Variants in MTFR1 observed in about 807,000 individuals in gnomAD.
MTFR1 encodes chondrocyte protein with a poly-proline region.
In MTFR1, 28 loss-of-function variants were observed where a neutral mutation model predicts 38.8. That is an observed-to-expected ratio of 0.72 (90% CI 0.53 to 0.99). MTFR1 has a LOEUF of 0.99. Among genes scored for constraint, MTFR1 ranks in the 50% least tolerant of loss-of-function variants. The pLI, the probability that MTFR1 is intolerant of heterozygous loss-of-function variation, is 0.00. For synonymous variants in MTFR1, 145 were observed against 137.0 expected (o/e 1.06, Z -0.41); for missense variants, 358 against 395.5 (o/e 0.91, Z 0.81).
intron 2 of MTFR1, among the ~76,000 whole-genome samples, chr8:65,674,226 T>C (rs2129052011): frequency 6.6e-6 from 1 of 152,066 alleles, no homozygotes; most frequent in African/African-American, 2.4e-5. Context: ...AGCCACTGCG[T>C]CCGTCCTTTT....
intron 3 of MTFR1, among the ~76,000 whole-genome samples, chr8:65,743,893 C>T (rs966346439): frequency 5.9e-5 from 9 of 151,398 alleles, no homozygotes; most frequent in Non-Finnish European, 1.2e-4. Context: ...AGTGCAATGG[C>T]GCGATCTCAG....
chr8:65,694,072 CT>C (rs773434384), intron 4 of MTFR1, among the ~76,000 whole-genome samples: 8,609 of 109,644 alleles, frequency 0.079, 765 homozygotes, highest in African/African-American at 0.23. Flanking sequence ...CTGGCTAATT[CT>C]TTTTTTTTTT....
intron 1 of MTFR1, among the ~76,000 whole-genome samples, chr8:65,665,634 T>C (rs573124971): frequency 6.6e-6 from 1 of 152,322 alleles, no homozygotes; most frequent in African/African-American, 2.4e-5. Context: ...CTCTTCTTCC[T>C]TATCGCGCTA....
At chr8:65,674,887 C>G (rs1804667508) in intron 2 of MTFR1, among the ~76,000 whole-genome samples, 1 of 152,134 alleles carries the variant, frequency 6.6e-6, no homozygotes, top group South Asian at 2.1e-4. Flanking sequence ...ACAAAGTTAC[C>G]TAAGTAGTAG....
At chr8:65,715,402 G>C (rs1806093374), downstream of MTFR1, among the ~76,000 whole-genome samples, 1 of 148,162 alleles carries the variant, frequency 6.7e-6, no homozygotes, top group Non-Finnish European at 1.5e-5. Flanking sequence ...TTTTGAGACA[G>C]AGTCTTGCTC....
downstream of MTFR1, among the ~76,000 whole-genome samples, chr8:65,774,820 G>A (rs74815707): frequency 0.037 from 5,570 of 151,836 alleles, 150 homozygotes; most frequent in African/African-American, 0.075. Flanking sequence ...AGAAACGTCC[G>A]GCTGTTTCTC....
chr8:65,702,642 T>G (rs1393668511), intron 4 of MTFR1, among the ~76,000 whole-genome samples: 3 of 152,212 alleles, frequency 2.0e-5, no homozygotes, highest in Non-Finnish European at 4.4e-5. Flanking sequence ...GTATGTTTTT[T>G]TACCTTTCAA....
At chr8:65,731,364 G>C (rs1459053751) in intron 3 of MTFR1, among the ~76,000 whole-genome samples, 1 of 152,222 alleles carries the variant, frequency 6.6e-6, no homozygotes, top group Non-Finnish European at 1.5e-5. Context: ...GACAAGTAGA[G>C]CAAGGTTTAA....
At chr8:65,686,600 AG>A (rs1563448452) in intron 3 of MTFR1, among the ~76,000 whole-genome samples, 2 of 143,040 alleles carry the variant, frequency 1.4e-5, no homozygotes, top group African/African-American at 5.1e-5. Flanking sequence ...AAAAAAAAAA[AG>A]GCACTGTGAA....
chr8:65,656,448 C>T (rs985350235), intron 1 of MTFR1, among the ~76,000 whole-genome samples: 1 of 151,610 alleles, frequency 6.6e-6, no homozygotes, highest in African/African-American at 2.4e-5. Flanking sequence ...ATCTTTATGC[C>T]TCAGCCTCCT....
intron 3 of MTFR1, chr8:65,723,761 T>C (rs1806492684): frequency 1.9e-6 from 1 of 519,770 alleles, no homozygotes; most frequent in Non-Finnish European, 3.1e-6. Flanking sequence ...CAATTAGTTC[T>C]TTTTAAAATT....
chr8:65,706,296 A>C (rs112158465), intron 5 of MTFR1, among the ~76,000 whole-genome samples: 3 of 152,378 alleles, frequency 2.0e-5, no homozygotes, highest in East Asian at 1.9e-4. Flanking sequence ...TTATAAGCTG[A>C]AACTTTTGAG....
chr8:65,661,862 G>T (rs1809422559), intron 1 of MTFR1, among the ~76,000 whole-genome samples: 1 of 152,010 alleles, frequency 6.6e-6, no homozygotes, highest in Non-Finnish European at 1.5e-5. Context: ...TACTTGGGAG[G>T]CTGAGGTGGG....
rs531126890 is a variant in MTFR1 at position 65,688,915 on chromosome 8, C to T, written c.166-4729C>T. Among the ~76,000 whole-genome samples the T allele has an allele frequency of 9.9e-5, 15 of 151,848 alleles. No individual in the cohort carries two copies. In the South Asian group the frequency reaches 1.9e-3, roughly 19 times the overall value. ...ATCCCAGCACTTTGGGAGGCTGAGG[C>T]GGGTGGATCACTTGAGGTCAGGAGT... is the stretch of plus-strand genomic sequence containing the variant. On this transcript the variant is annotated intron_variant, in intron 3 of 7. Transcript: ENST00000262146.
At position 65,719,520 on chromosome 8, in the gene MTFR1, A is replaced by G. The variant is rs769240980; in HGVS notation, c.*48+39A>G. Reference sequence around the variant, plus strand: ...CCTTGAGAAAATAGGAGAAAAAGTTATTAACATATATGCTGAAACTCTATC... The same window carrying G: ...CCTTGAGAAAATAGGAGAAAAAGTTGTTAACATATATGCTGAAACTCTATC... On this transcript the variant is annotated intron_variant, in intron 3 of 3. Transcript: ENST00000521247. The G allele has an allele frequency of 4.2e-6, 6 of 1,415,226 alleles. No homozygotes were observed. In the South Asian group the frequency reaches 4.6e-5, roughly 11 times the overall value. The allele number at this position is 1,415,226 out of a possible 1,614,324, so 87.7% of individuals were successfully genotyped here. A position where few individuals can be genotyped will look rare whatever the true frequency, so the allele number is the denominator to read the frequency against.
intron 7 of MTFR1, 81 bp from the exon 8 acceptor site, chr8:65,708,894 TA>T: frequency 7.3e-7 from 1 of 1,362,602 alleles, no homozygotes; most frequent in South Asian, 1.2e-5. Context: ...CCCAGCCCTC[TA>T]ATCCATGATT....
chr8:65,745,459 T>G, intron 3 of MTFR1: 4 of 1,556,774 alleles, frequency 2.6e-6, no homozygotes, highest in Non-Finnish European at 2.7e-6. Context: ...TTCCAACTTT[T>G]TCCAGCATAC....
chr8:65,769,460 G>GT (rs1450821716), intron 3 of MTFR1, among the ~76,000 whole-genome samples: 1 of 152,150 alleles, frequency 6.6e-6, no homozygotes, highest in Admixed American at 6.5e-5. Flanking sequence ...TTCTTGGCTA[G>GT]AAGAATTCGT....
intron 4 of MTFR1, among the ~76,000 whole-genome samples, chr8:65,703,009 T>C (rs1037073132): frequency 1.3e-5 from 2 of 150,682 alleles, no homozygotes; most frequent in African/African-American, 4.9e-5. Flanking sequence ...ATGAAACCAG[T>C]AGAAATCTCA....
Sources: gnomAD v4.1 joint callset for allele counts (sites outside exome capture counted in the v4.1 genomes callset) on GRCh38, gnomAD v4.1.1 for gene constraint, MANE v1.5 for transcripts, NCBI Gene and HGNC (gene_info 2026-07-23, HGNC 2026-07-21) for gene names.